PHRF1: variants seen among roughly 807,000 people sequenced by gnomAD.
The protein encoded by PHRF1 is PHD and RING finger domain-containing protein 1.
Under a neutral mutation model 128.9 loss-of-function variants are expected in PHRF1, and 53 were observed. That is an observed-to-expected ratio of 0.41 (90% CI 0.33 to 0.52). The LOEUF (loss-of-function observed/expected upper bound fraction) is 0.52. Ranked by LOEUF, PHRF1 falls within the 20% of genes least tolerant of loss-of-function variation. The probability of loss-of-function intolerance (pLI) is 0.21; values close to 1 mark genes in which losing one functional copy is unlikely to be tolerated. For missense variants in PHRF1, 2,503 were observed against 2,284.5 expected, an observed-to-expected ratio of 1.10 and a Z score of -1.95; for synonymous variants, 1,178 against 980.6, an observed-to-expected ratio of 1.20 and a Z score of -3.76.
intron 6 of PHRF1, among the ~76,000 whole-genome samples, chr11:593,424 A>C (rs999890648): frequency 2.0e-4 from 31 of 152,216 alleles, no homozygotes; most frequent in Non-Finnish European, 3.1e-4. Flanking sequence ...GGAGGCCTTG[A>C]CGTGCCGCGG....
chr11:605,973 G>GC (rs60154196), intron 12 of PHRF1, among the ~76,000 whole-genome samples: 2,378 of 152,298 alleles, frequency 0.016, 60 homozygotes, highest in African/African-American at 0.054. Context: ...TGGCCCCTCT[G>GC]CCCCCCACCC....
chr11:583,115 C>G (rs976567451), intron 3 of PHRF1, among the ~76,000 whole-genome samples: 6 of 151,318 alleles, frequency 4.0e-5, no homozygotes, highest in African/African-American at 1.5e-4. Flanking sequence ...CCGAGGCGGG[C>G]GGATCAGGAG....
At chr11:581,706 G>A (rs1854213869) in intron 2 of PHRF1, 100 bp downstream of exon 2, 1 of 1,210,322 alleles carries the variant, frequency 8.3e-7, no homozygotes, top group African/African-American at 1.5e-5. Context: ...TCAACTTTCA[G>A]TCTAAAAAAA....
rs1293883700 is a variant in PHRF1, at chr11:585,613, TGAGGTAGTAGCCC to T, written c.215-1645_215-1633del. ...CTTGAGGTAGTAGCCCTTTCCAGCT[TGAGGTAGTAGCCC>T]TTTCCAGCTTGAGGTAGTAGCCCTT... On this transcript the variant is annotated intron_variant, in intron 3 of 17. Coordinates refer to ENST00000264555, the MANE Select transcript of PHRF1 (RefSeq NM_001286581.2). Among the ~76,000 whole-genome samples, 11 of 108,176 alleles carry T rather than the reference TGAGGTAGTAGCCC, an allele frequency of 1.0e-4. 1 individual carries two copies. The highest frequency in any genetic ancestry group is 2.8e-4 in the African/African-American group (8 of 29,066). 71.0% of individuals were successfully genotyped at this position (108,176 alleles called of 152,430 possible).
chr11:584,458 T>C lies in PHRF1; in HGVS notation c.214+2377T>C, dbSNP rs146375049. On this transcript the variant is annotated intron_variant, in intron 3 of 17. Transcript: ENST00000264555. The stretch of plus-strand genomic sequence containing the variant: ...AAGCAGCAGCTGGGGGACAGGGTCA[T>C]AGACACTGAGAGCTGTGGGCGTCCA... Among the ~76,000 whole-genome samples, 1,208 of 152,174 alleles carry C rather than the reference T, an allele frequency of 7.9e-3. 5 individuals are homozygous for C. The highest frequency in any genetic ancestry group is 0.012 in the Admixed American group (189 of 15,288).
At chr11:592,516 G>A in intron 5 of PHRF1, 43 bp from the exon 6 acceptor site, 1 of 1,569,992 alleles carries the variant, frequency 6.4e-7, no homozygotes, top group South Asian at 1.1e-5. Flanking sequence ...TGACTGCGGG[G>A]AGTTTGGGTC....
chr11:601,597 A>G lies in PHRF1; in HGVS notation c.1048A>G (p.Arg350Gly). 1 of 1,613,770 alleles carries G rather than the reference A, an allele frequency of 6.2e-7. No individual in the cohort carries two copies. Among genetic ancestry groups the G allele is most frequent in the Non-Finnish European group, 8.5e-7 (1 of 1,179,874 alleles). Residue 350 changes from arginine (R) to glycine (G), a missense_variant, in exon 10 of 18, where the codon AGA (arginine) becomes GGA (glycine). Physicochemically the swap from Arg to Gly is moderately radical, Grantham distance 125. Coordinates refer to ENST00000264555, the MANE Select transcript of PHRF1 (RefSeq NM_001286581.2). ...AGGAAGACGGAAGAAAGTGCCGGGAAGAAAGAAAACCCCGTCCGGACCATC... is the reference window on the plus strand; with the variant it reads ...AGGAAGACGGAAGAAAGTGCCGGGAGGAAAGAAAACCCCGTCCGGACCATC... ...KTRRRKKVPGRKKTPSGPSAK... is the reference protein window; with the variant it reads ...KTRRRKKVPGGKKTPSGPSAK...
chr11:577,634 A>G (rs1316419348), intron 1 of PHRF1, among the ~76,000 whole-genome samples: 1 of 152,166 alleles, frequency 6.6e-6, no homozygotes, highest in Non-Finnish European at 1.5e-5. Flanking sequence ...TGACTTTTTG[A>G]CTTCCATTGC....
At position 607,232 on chromosome 11, in the gene PHRF1, C is replaced by G. The variant is rs376666311; in HGVS notation, c.1776C>G (p.Pro592=). The stretch of plus-strand genomic sequence containing the variant: ...GCTGTCAAGGCAGGTCCCGCACCCC[C>G]GCCCGCACCGCGGGGGCGCCTGTGA... ...GLSCQGRSRT[P]ARTAGAPVRL... The change falls in exon 14 of 18, where the codon CCC becomes CCG. Residue 592 remains proline (P), a synonymous_variant. Transcript: ENST00000264555. 9.3e-6 allele frequency: 15 copies of G among 1,612,348 alleles called. No homozygotes were observed. The East Asian group carries it at 1.1e-4, about 12-fold the overall frequency.
In PHRF1 at chr11:596,995, T is replaced by C. The variant is rs1163606408; in HGVS notation, c.693T>C (p.Ala231=). 1 of 1,613,888 alleles carries C rather than the reference T, an allele frequency of 6.2e-7. No individual in the cohort carries two copies. Among genetic ancestry groups the C allele is most frequent in the South Asian group, 1.1e-5 (1 of 91,074 alleles). ...PVDEWFCPEC[A]APGVVLAADA... ...ACGAGTGGTTCTGCCCGGAATGTGC[T>C]GCGCCTGGTGTTGTCCTTGCCGCTG... The change falls in exon 7 of 18, where the codon GCT becomes GCC. Residue 231 remains alanine, a synonymous_variant. Transcript: ENST00000264555.
At chr11:605,408 G>A in intron 11 of PHRF1, 108 bp downstream of exon 11, 3 of 1,498,820 alleles carry the variant, frequency 2.0e-6, no homozygotes, top group Non-Finnish European at 2.7e-6. Context: ...GTGTTTGAGA[G>A]TGAGGGTGGC....
chr11:581,575 G>A lies in PHRF1; in HGVS notation c.63G>A (p.Gln21=), dbSNP rs1302238101. 1.2e-6 allele frequency: 2 copies of A among 1,613,398 alleles called. No individual in the cohort carries two copies. The highest frequency in any genetic ancestry group is 1.7e-5 in the Admixed American group (1 of 60,008). The change falls in exon 2 of 18, where the codon CAG becomes CAA. Residue 21 remains glutamine (Q), a synonymous_variant. Coordinates refer to ENST00000264555, the MANE Select transcript of PHRF1 (RefSeq NM_001286581.2). The stretch of plus-strand genomic sequence containing the variant: ...GCCCAGGGCCGGATGGACACCCACA[G>A]GTCGGCCCTGCGGACCCGGCAGGTG... ...ARSPGPDGHP[Q]VGPADPAGDF...
Position 607,473 on chromosome 11 carries a change from A to G in PHRF1, c.2017A>G (p.Arg673Gly), listed in dbSNP as rs374653993. The G allele has an allele frequency of 5.6e-6, 9 of 1,612,740 alleles. No individual in the cohort carries two copies. The highest frequency in any genetic ancestry group is 1.6e-4 in the Middle Eastern group (1 of 6,084). ...GCCTCCCCTGAAGCCAGCGCCCAGA[A>G]GAACAGACATCTCTGAGCTACCCAG... ...PGPPLKPAPR[R>G]TDISELPRIP... Residue 673 changes from arginine (R) to glycine (G), a missense_variant, in exon 14 of 18, where the codon AGA (arginine) becomes GGA (glycine). Transcript: ENST00000264555.
chr11:611,920 C>T lies in PHRF1; in HGVS notation c.*143C>T. On this transcript the variant is annotated 3_prime_UTR_variant, in exon 18 of 18. Coordinates refer to ENST00000264555, the MANE Select transcript of PHRF1 (RefSeq NM_001286581.2). Reference sequence around the variant, plus strand: ...AGTGGCGGGAAATGGGGGGCATCACCATGCCTGCCGTCGGGTTCCTGCGCT... The same window carrying T: ...AGTGGCGGGAAATGGGGGGCATCACTATGCCTGCCGTCGGGTTCCTGCGCT... The T allele has an allele frequency of 7.4e-7, 1 of 1,343,070 alleles. No homozygotes were observed. The highest frequency in any genetic ancestry group is 9.9e-7 in the Non-Finnish European group (1 of 1,006,282). 83.2% of individuals were successfully genotyped at this position (1,343,070 alleles called of 1,614,324 possible).
rs895505018 is a variant in PHRF1, at chr11:597,539, G to A, written c.863G>A (p.Arg288Gln). The change falls in exon 8 of 18, where the codon CGG (arginine) becomes CAG (glutamine). Residue 288 changes from arginine to glutamine, a missense_variant. By Grantham distance (43) the Arg-to-Gln change is conservative (BLOSUM62 1). Transcript: ENST00000264555. The surrounding 1 kb of genome is among the most constrained non-coding windows in gnomAD (Gnocchi z 6.5). ...GAGAGAGTGAGAGCAACCGTGAACC[G>A]GAACCGGATCTCCACGGCCAGGAGG... is the stretch of plus-strand genomic sequence containing the variant. ...QSERVRATVN[R>Q]NRISTARRVQ... 5.6e-6 allele frequency: 9 copies of A among 1,611,898 alleles called. No individual in the cohort carries two copies. Among genetic ancestry groups the A allele is most frequent in the East Asian group, 4.5e-5 (2 of 44,812 alleles).
intron 4 of PHRF1, among the ~76,000 whole-genome samples, chr11:589,365 A>G (rs1471319082): frequency 2.0e-5 from 3 of 152,200 alleles, no homozygotes; most frequent in African/African-American, 7.2e-5. Context: ...CGTCCTTCCC[A>G]GCAGGAGTTC....
At chr11:589,703 C>T (rs1386701255) in intron 4 of PHRF1, among the ~76,000 whole-genome samples, 1 of 152,260 alleles carries the variant, frequency 6.6e-6, no homozygotes, top group Non-Finnish European at 1.5e-5. Context: ...GCATGGGTAG[C>T]TCTGTGATAA....
chr11:593,925 C>T (rs1483256571), intron 6 of PHRF1, among the ~76,000 whole-genome samples: 2 of 152,188 alleles, frequency 1.3e-5, no homozygotes, highest in East Asian at 1.9e-4. Context: ...GTCCTCACCT[C>T]CTCAGGGTTC....
chr11:578,628 A>G (rs1854023958), intron 1 of PHRF1, among the ~76,000 whole-genome samples: 2 of 152,186 alleles, frequency 1.3e-5, no homozygotes, highest in African/African-American at 2.4e-5. Flanking sequence ...GTTTGTTCAC[A>G]TACTATGGCT....
Sources: allele counts gnomAD v4.1 joint callset (sites outside exome capture counted in the v4.1 genomes callset), GRCh38; gene constraint gnomAD v4.1.1; non-coding constraint Gnocchi (gnomAD v3.1); transcripts MANE v1.5; gene names NCBI Gene and HGNC (gene_info 2026-07-23, HGNC 2026-07-21).